Variants in FRMD4B observed in about 807,000 individuals in gnomAD.
FRMD4B encodes the protein FERM domain containing 4B, also known as FERM domain-containing protein 4B.
FRMD4B carries 74 observed loss-of-function variants against 141.5 expected under a neutral mutation model. That is an observed-to-expected ratio of 0.52 (90% CI 0.43 to 0.63). The LOEUF is 0.63. Among genes scored for constraint, FRMD4B ranks in the 30% least tolerant of loss-of-function variants. FRMD4B has a pLI of 0.00. For missense variants in FRMD4B, 1,366 were observed against 1,253.4 expected, an observed-to-expected ratio of 1.09 and a Z score of -1.36; for synonymous variants, 506 against 467.9, an observed-to-expected ratio of 1.08 and a Z score of -1.05.
At chr3:69,253,542 T>A (rs1009853781) in intron 5 of FRMD4B, among the ~76,000 whole-genome samples, 1 of 152,160 alleles carries the variant, frequency 6.6e-6, no homozygotes, top group African/African-American at 2.4e-5. Flanking sequence ...TCATGGAAAC[T>A]TATCTGTGCT....
chr3:69,380,204 G>C (rs1420110521), intron 1 of FRMD4B, among the ~76,000 whole-genome samples: 1 of 152,204 alleles, frequency 6.6e-6, no homozygotes, highest in African/African-American at 2.4e-5. Context: ...TTAGCTAAAA[G>C]AGCATGTGCT....
At chr3:69,266,701 TG>T (rs1347660606) in intron 5 of FRMD4B, among the ~76,000 whole-genome samples, 1 of 152,090 alleles carries the variant, frequency 6.6e-6, no homozygotes, top group Non-Finnish European at 1.5e-5. Context: ...AACTAAGAAA[TG>T]TTGAAGGTGA....
At chr3:69,260,168 G>A (rs571642369) in intron 5 of FRMD4B, among the ~76,000 whole-genome samples, 10 of 152,232 alleles carry the variant, frequency 6.6e-5, no homozygotes, top group East Asian at 1.9e-4. Context: ...CTCTGGTCTC[G>A]CTTGAGGAGC....
chr3:69,519,224 C>A (rs1575598510), intron 1 of FRMD4B, among the ~76,000 whole-genome samples: 3 of 152,244 alleles, frequency 2.0e-5, no homozygotes, highest in South Asian at 4.2e-4. Flanking sequence ...AGCCATTAGA[C>A]AAAGTGATAT....
chr3:69,373,815 G>A (rs1429639689), intron 1 of FRMD4B, among the ~76,000 whole-genome samples: 2 of 152,170 alleles, frequency 1.3e-5, no homozygotes, highest in African/African-American at 2.4e-5. Context: ...TAACACTGCA[G>A]TGAGCTATGA....
At chr3:69,409,155 T>C (rs1382842198) in intron 2 of FRMD4B, among the ~76,000 whole-genome samples, 1 of 152,144 alleles carries the variant, frequency 6.6e-6, no homozygotes, top group Non-Finnish European at 1.5e-5. Context: ...AAAACTGGCA[T>C]TGCTTGGTTC....
At chr3:69,346,668 G>T (rs1019424808) in intron 1 of FRMD4B, among the ~76,000 whole-genome samples, 3 of 152,134 alleles carry the variant, frequency 2.0e-5, no homozygotes, top group African/African-American at 7.2e-5. Flanking sequence ...GAGAGTGGGG[G>T]CCAATATTCA....
intron 2 of FRMD4B, among the ~76,000 whole-genome samples, chr3:69,410,770 T>C (rs1322362046): frequency 3.2e-5 from 4 of 123,824 alleles, no homozygotes; most frequent in Non-Finnish European, 5.1e-5. Context: ...TATATATATA[T>C]ATATTTGAGA....
At chr3:69,535,485 TTG>T (rs1701070384) in intron 1 of FRMD4B, among the ~76,000 whole-genome samples, 3 of 152,242 alleles carry the variant, frequency 2.0e-5, no homozygotes, top group Non-Finnish European at 2.9e-5. Context: ...CTATTATTTG[TTG>T]AGCCTTTACA....
intron 7 of FRMD4B, among the ~76,000 whole-genome samples, chr3:69,232,838 C>A (rs2093318954): frequency 1.3e-5 from 2 of 150,214 alleles, no homozygotes; most frequent in Admixed American, 1.3e-4. Context: ...GGTGTGGGGG[C>A]ATCCTCCATT....
rs1225820829 is a variant in FRMD4B at position 69,496,623 on chromosome 3, GAGAGAGAGAGAGAA to G, written c.-129+45569_-129+45582del. 1.1e-4 allele frequency among the ~76,000 whole-genome samples: 13 copies of G among 115,164 alleles called. No individual in the cohort carries two copies. In the South Asian group the frequency reaches 1.2e-3, roughly 11 times the overall value. The allele number at this position is 115,164 out of a possible 152,430, so 75.6% of individuals were successfully genotyped here. A position where few individuals can be genotyped will look rare whatever the true frequency, so the allele number is the denominator to read the frequency against. On this transcript the variant is annotated intron_variant, in intron 1 of 5. Transcript: ENST00000459638. ...TGAAAGAGAGAGAGTGAGAGAGAGA[GAGAGAGAGAGAGAA>G]AGAGAGAGAGAGAGAGAGAGAGAGA...
chr3:69,205,103 T>C (rs1443157887), intron 11 of FRMD4B, among the ~76,000 whole-genome samples: 2 of 146,582 alleles, frequency 1.4e-5, no homozygotes, highest in Non-Finnish European at 3.0e-5. Context: ...GTAATTCTTA[T>C]TTCTTCCTCA....
chr3:69,254,106 C>CT (rs1008113202), intron 5 of FRMD4B, among the ~76,000 whole-genome samples: 175 of 149,042 alleles, frequency 1.2e-3, no homozygotes, highest in African/African-American at 3.7e-3. Context: ...AAACTCACAC[C>CT]TTTTTTTTTT....
upstream of FRMD4B, among the ~76,000 whole-genome samples, chr3:69,387,925 G>GT (rs1203797267): frequency 1.1e-4 from 16 of 150,152 alleles, no homozygotes; most frequent in East Asian, 3.9e-4. Context: ...AGTATTGATG[G>GT]TTTTTTTTTC....
chr3:69,181,080 G>T lies in FRMD4B; in HGVS notation c.2670C>A (p.Ile890=), dbSNP rs552752466. The change falls in exon 21 of 23, where the codon ATC becomes ATA. Residue 890 remains isoleucine (I), a synonymous_variant. Transcript: ENST00000398540. ...AAKSEHITKN[I]HKALVAEHLR... is the part of the protein sequence containing the mutation. ...AGTGCTCGGCAACTAAGGCCTTGTG[G>T]ATGTTTTTGGTGATGTGCTCCGATT... 1.2e-6 allele frequency: 2 copies of T among 1,614,008 alleles called. No individual in the cohort carries two copies. The highest frequency in any genetic ancestry group is 2.2e-5 in the South Asian group (2 of 91,078).
chr3:69,306,760 C>CA (rs1272914940), intron 3 of FRMD4B: 1 of 152,138 alleles, frequency 6.6e-6, no homozygotes, highest in African/African-American at 2.4e-5. Flanking sequence ...CTTTCATTGA[C>CA]AAAATGTTCC....
intron 1 of FRMD4B, among the ~76,000 whole-genome samples, chr3:69,445,128 G>A (rs777117879): frequency 1.3e-5 from 2 of 152,112 alleles, no homozygotes; most frequent in Non-Finnish European, 2.9e-5. Context: ...CGCCAGAAAC[G>A]ACAGCAGCCA....
intron 1 of FRMD4B, among the ~76,000 whole-genome samples, chr3:69,367,448 T>C (rs1264548400): frequency 2.0e-5 from 3 of 152,162 alleles, no homozygotes; most frequent in African/African-American, 4.8e-5. Flanking sequence ...ACAATACACA[T>C]ACATACATAT....
At chr3:69,231,572 G>A (rs1473395752) in intron 7 of FRMD4B, among the ~76,000 whole-genome samples, 5 of 152,242 alleles carry the variant, frequency 3.3e-5, no homozygotes, top group African/African-American at 9.6e-5. Context: ...ACAGGCGTAA[G>A]CCACTGTGCC....
Sources: gnomAD v4.1 joint callset for allele counts (sites outside exome capture counted in the v4.1 genomes callset) on GRCh38, gnomAD v4.1.1 for gene constraint, MANE v1.5 for transcripts, NCBI Gene and HGNC (gene_info 2026-07-23, HGNC 2026-07-21) for gene names.